KIF6: variants seen among roughly 807,000 people sequenced by gnomAD.
KIF6 encodes the protein kinesin family member 6, also known as kinesin-like protein KIF6.
KIF6 carries 106 observed loss-of-function variants against 112.7 expected under a neutral mutation model. That is an observed-to-expected ratio of 0.94 (90% CI 0.80 to 1.11). The LOEUF (loss-of-function observed/expected upper bound fraction) is 1.11, where lower values mean the gene tolerates loss of function less well. KIF6 is among the 50% of genes least tolerant of loss of function. KIF6 has a pLI of 0.00. For synonymous variants in KIF6, 339 were observed against 339.9 expected, an observed-to-expected ratio of 1.00 and a Z score of 0.03; for missense variants, 929 against 964.0, an observed-to-expected ratio of 0.96 and a Z score of 0.48.
intron 13 of KIF6, among the ~76,000 whole-genome samples, chr6:39,450,404 T>C (rs1472768074): frequency 6.6e-6 from 1 of 152,220 alleles, no homozygotes; most frequent in African/African-American, 2.4e-5. Context: ...GTCAACCTCA[T>C]CTATGCCTGA....
intron 10 of KIF6, among the ~76,000 whole-genome samples, chr6:39,571,991 T>A (rs2150622207): frequency 6.6e-6 from 1 of 151,824 alleles, no homozygotes; most frequent in Non-Finnish European, 1.5e-5. Context: ...CTTCAGTGAC[T>A]TCCCTCATTT....
intron 12 of KIF6, among the ~76,000 whole-genome samples, chr6:39,541,184 A>G (rs1008529794): frequency 2.0e-5 from 3 of 152,230 alleles, no homozygotes; most frequent in Non-Finnish European, 4.4e-5. Flanking sequence ...AGAAAGGCGG[A>G]CAGGTACCCA....
intron 9 of KIF6, among the ~76,000 whole-genome samples, chr6:39,581,451 CG>C (rs1781292129): frequency 6.6e-6 from 1 of 152,036 alleles, no homozygotes; most frequent in African/African-American, 2.4e-5. Flanking sequence ...CCACTGCGCC[CG>C]GCCCGCTTTA....
chr6:39,712,682 G>A (rs1395446960), intron 3 of KIF6, among the ~76,000 whole-genome samples: 1 of 152,140 alleles, frequency 6.6e-6, no homozygotes, highest in Non-Finnish European at 1.5e-5. Context: ...GGCCAAGATG[G>A]TGAAACCCCA....
intron 13 of KIF6, among the ~76,000 whole-genome samples, chr6:39,477,685 A>G (rs1774518257): frequency 6.6e-6 from 1 of 152,086 alleles, no homozygotes; most frequent in Non-Finnish European, 1.5e-5. Context: ...AAATAGTGAA[A>G]CCCCATCTCT....
chr6:39,586,280 A>C lies in KIF6; in HGVS notation c.971T>G (p.Leu324Trp), dbSNP rs772428691. The change falls in exon 8 of 23, where the codon TTG (leucine) becomes TGG (tryptophan). Residue 324 changes from leucine (L) to tryptophan (W), a missense_variant. By Grantham distance (61) the Leu-to-Trp change is moderately conservative (BLOSUM62 -2). This residue lies in a region of KIF6 where 688 missense variants were observed against 662.7 expected (regional missense o/e 1.04). Transcript: ENST00000287152. The part of the protein sequence containing the change: ...CMTTMIATLS[L>W]EKRNLDESIS... ...ACATACATCAAGATTCCTTTTCTCC[A>C]AGGAGAGTGTTGCAATCATAGTTGT... The C allele has an allele frequency of 6.2e-7, 1 of 1,614,174 alleles. No homozygotes were observed. The highest frequency in any genetic ancestry group is 1.1e-5 in the South Asian group (1 of 91,092).
chr6:39,684,976 G>C (rs1392662176), intron 3 of KIF6, among the ~76,000 whole-genome samples: 1 of 152,146 alleles, frequency 6.6e-6, no homozygotes, highest in Non-Finnish European at 1.5e-5. Context: ...GCAGGGCAGA[G>C]AAGACAGACA....
At chr6:39,501,997 A>G (rs1776158342) in intron 13 of KIF6, among the ~76,000 whole-genome samples, 1 of 152,074 alleles carries the variant, frequency 6.6e-6, no homozygotes, top group South Asian at 2.1e-4. Flanking sequence ...CCAGTAAGAT[A>G]CTCCATGAGA....
At chr6:39,423,361 C>A (rs1224042372) in intron 14 of KIF6, among the ~76,000 whole-genome samples, 1 of 152,082 alleles carries the variant, frequency 6.6e-6, no homozygotes, top group Non-Finnish European at 1.5e-5. Flanking sequence ...CTGTCTTTTT[C>A]CCCCTCTCTC....
chr6:39,407,274 CAA>C (rs746663340), intron 15 of KIF6, among the ~76,000 whole-genome samples: 9 of 152,260 alleles, frequency 5.9e-5, no homozygotes, highest in Non-Finnish European at 1.0e-4. Flanking sequence ...TCATAAGCTT[CAA>C]AAATAGACCT....
chr6:39,500,317 C>T (rs917093021), intron 13 of KIF6, among the ~76,000 whole-genome samples: 2 of 152,064 alleles, frequency 1.3e-5, no homozygotes, highest in South Asian at 2.1e-4. Context: ...CACTTCACAT[C>T]GGGAAAAGAA....
rs374299485 is a variant in KIF6, at chr6:39,462,554, G to A, written c.1646-31393C>T. ...CTGAAAGCATCCTAATGGGTACAATGAGCATGATGGGCTGGGAAGAGAGCC... is the reference window on the plus strand; with the variant it reads ...CTGAAAGCATCCTAATGGGTACAATAAGCATGATGGGCTGGGAAGAGAGCC... On this transcript the variant is annotated intron_variant, in intron 13 of 22. Transcript: ENST00000287152. 2.8e-4 allele frequency among the ~76,000 whole-genome samples: 42 copies of A among 152,236 alleles called. No homozygotes were observed. The South Asian group carries it at 8.7e-3, about 32-fold the overall frequency.
intron 8 of KIF6, 72 bp downstream of exon 8, chr6:39,586,189 A>G: frequency 6.5e-7 from 1 of 1,528,414 alleles, no homozygotes; most frequent in Non-Finnish European, 9.0e-7. Flanking sequence ...CCCACCCAAG[A>G]GCCTCAACTC....
intron 13 of KIF6, among the ~76,000 whole-genome samples, chr6:39,503,569 G>A (rs1776260526): frequency 6.6e-6 from 1 of 151,196 alleles, no homozygotes. Flanking sequence ...AATAAAAATA[G>A]ACAACTAAGC....
At chr6:39,382,247 T>C (rs894215159) in intron 16 of KIF6, among the ~76,000 whole-genome samples, 1 of 152,234 alleles carries the variant, frequency 6.6e-6, no homozygotes, top group Non-Finnish European at 1.5e-5. Flanking sequence ...AGGTTTGGGC[T>C]TGTATTGATC....
At chr6:39,485,717 A>G (rs554986711) in intron 13 of KIF6, among the ~76,000 whole-genome samples, 6 of 152,292 alleles carry the variant, frequency 3.9e-5, no homozygotes, top group Admixed American at 3.3e-4. Flanking sequence ...TCAGAACACA[A>G]CAAACAGCAA....
At chr6:39,694,719 T>C (rs1054956249) in intron 3 of KIF6, among the ~76,000 whole-genome samples, 1 of 152,188 alleles carries the variant, frequency 6.6e-6, no homozygotes, top group Admixed American at 6.5e-5. Context: ...TAAGAATCAA[T>C]ATTACCAAAA....
At chr6:39,718,244 A>AAG (rs1554156713) in intron 2 of KIF6, among the ~76,000 whole-genome samples, 6 of 151,178 alleles carry the variant, frequency 4.0e-5, no homozygotes, top group African/African-American at 1.2e-4. Flanking sequence ...AAAAAAAAAA[A>AAG]AAAAAAAAAG....
chr6:39,483,427 A>C (rs374869175), intron 13 of KIF6, among the ~76,000 whole-genome samples: 4 of 152,228 alleles, frequency 2.6e-5, no homozygotes, highest in South Asian at 4.1e-4. Flanking sequence ...TGCATCTGGG[A>C]TTATGGGGAA....
Sources: allele counts gnomAD v4.1 joint callset (sites outside exome capture counted in the v4.1 genomes callset), GRCh38; gene constraint gnomAD v4.1.1; regional missense constraint gnomAD v4.1.1; transcripts MANE v1.5; gene names NCBI Gene and HGNC (gene_info 2026-07-23, HGNC 2026-07-21).